Variants in TENT4A observed in about 807,000 individuals in gnomAD.
TENT4A encodes DNA polymerase kappa.
TENT4A carries 7 observed loss-of-function variants against 72.8 expected under a neutral mutation model. That is an observed-to-expected ratio of 0.10 (90% CI 0.05 to 0.18). TENT4A has a LOEUF of 0.18. Among genes scored for constraint, TENT4A ranks in the 10% least tolerant of loss-of-function variants. TENT4A has a pLI of 1.00. For synonymous variants in TENT4A, 456 were observed against 434.3 expected (o/e 1.05, Z -0.62); for missense variants, 831 against 1,017.7 (o/e 0.82, Z 2.50).
At chr5:6,731,227 G>A (rs558140565) in intron 1 of TENT4A, among the ~76,000 whole-genome samples, 31 of 152,340 alleles carry the variant, frequency 2.0e-4, no homozygotes, top group Admixed American at 3.3e-4. Context: ...GGTTTTGAAG[G>A]AAGAGTTGGA....
rs1289792029 is a variant in TENT4A, at chr5:6,714,268, G to A, written c.285G>A (p.Ala95=). The part of the protein sequence containing the change: ...PPALLTALGP[A]AEGARRLHKS... ...CGCTGCTGACGGCGCTGGGGCCCGC[G>A]GCCGAGGGCGCGCGGCGCTTGCACA... is the stretch of plus-strand genomic sequence containing the variant. The change falls in exon 1 of 13, where the codon GCG becomes GCA. Residue 95 remains alanine (A), a synonymous_variant. Transcript: ENST00000230859. The A allele has an allele frequency of 9.4e-7, 1 of 1,058,428 alleles. No homozygotes were observed. The highest frequency in any genetic ancestry group is 1.1e-6 in the Non-Finnish European group (1 of 879,302). 65.6% of individuals were successfully genotyped at this position (1,058,428 alleles called of 1,614,324 possible).
intron 6 of TENT4A, among the ~76,000 whole-genome samples, chr5:6,744,792 A>G (rs531901821): frequency 2.3e-4 from 35 of 152,256 alleles, no homozygotes; most frequent in Middle Eastern, 3.4e-3. Context: ...CCTTTCTTCC[A>G]TAGTTTTTGG....
At chr5:6,715,250 A>G (rs1031602784) in intron 1 of TENT4A, 1 of 152,238 alleles carries the variant, frequency 6.6e-6, no homozygotes, top group Admixed American at 6.5e-5. Context: ...CCTATGGTTT[A>G]TAAACATTGG....
rs118138136 is a variant in TENT4A, at chr5:6,732,011, A to G, written c.717-5499A>G. 2.6e-3 allele frequency among the ~76,000 whole-genome samples: 397 copies of G among 152,236 alleles called. 10 individuals are homozygous for G. In the East Asian group the frequency reaches 0.071, roughly 27 times the overall value. ...ATGACCTTTGCCTTTTTTGCCCTTT[A>G]GTTCCTTTGCCCTTTACCTACTGCA... On this transcript the variant is annotated intron_variant, in intron 1 of 12. Coordinates refer to ENST00000230859, the MANE Select transcript of TENT4A (RefSeq NM_006999.6).
chr5:6,737,615 C>CACCACAGTATGTGGTATGTT lies in TENT4A; in HGVS notation c.822_823insACCACAGTATGTGGTATGTT (p.Leu275ThrfsTer31). 6.2e-7 allele frequency: 1 copy of CACCACAGTATGTGGTATGTT among 1,614,024 alleles called. No individual in the cohort carries two copies. On this transcript the variant is annotated frameshift_variant, in exon 2 of 13. Transcript: ENST00000230859. LOFTEE classifies it high-confidence loss of function. ...AACGGATCGAAACTGTGGTGAAAGA[C>CACCACAGTATGTGGTATGTT]CTTTGGCCGACGGCTGATGTGAGTA...
Position 6,739,829 on chromosome 5 carries a change from A to G in TENT4A, c.985A>G (p.Ile329Val). 1.2e-6 allele frequency: 2 copies of G among 1,614,170 alleles called. No homozygotes were observed. Among genetic ancestry groups the G allele is most frequent in the Non-Finnish European group, 1.7e-6 (2 of 1,179,994 alleles). The change falls in exon 4 of 13, where the codon ATC (isoleucine) becomes GTC (valine). Residue 329 changes from isoleucine (I) to valine (V), a missense_variant. Coordinates refer to ENST00000230859, the MANE Select transcript of TENT4A (RefSeq NM_006999.6). ...RKHNVAEPCSIKVLDKATVPI... is the reference protein window; with the variant it reads ...RKHNVAEPCSVKVLDKATVPI... ...GCACAACGTGGCTGAGCCGTGTTCC[A>G]TCAAAGTCCTTGACAAGGCTACGGT...
intron 1 of TENT4A, among the ~76,000 whole-genome samples, chr5:6,726,723 TG>T (rs1475916149): frequency 6.6e-6 from 1 of 152,162 alleles, no homozygotes; most frequent in Non-Finnish European, 1.5e-5. Context: ...CTCTCTGGCT[TG>T]GAGGGTTGTG....
chr5:6,713,810 GCGGCTAGAGCAGGAGGCCGGGGCT>G lies in TENT4A; in HGVS notation c.-169_-146del, dbSNP rs1210780189. 1 of 148,084 alleles carries G rather than the reference GCGGCTAGAGCAGGAGGCCGGGGCT, an allele frequency of 6.8e-6. No individual in the cohort carries two copies. The highest frequency in any genetic ancestry group is 2.5e-5 in the African/African-American group (1 of 40,274). 9.2% of individuals were successfully genotyped at this position (148,084 alleles called of 1,614,324 possible). A position where few individuals can be genotyped will look rare whatever the true frequency, so the allele number is the denominator to read the frequency against. On this transcript the variant is annotated 5_prime_UTR_variant, in exon 1 of 13. Transcript: ENST00000230859. The stretch of plus-strand genomic sequence containing the variant: ...CCCCACGCCGGAGCCCGACGGGAGC[GCGGCTAGAGCAGGAGGCCGGGGCT>G]CGGCCCGCCCGCCGCCGCCGCCGCC...
intron 7 of TENT4A, 24 bp downstream of exon 7, chr5:6,746,451 G>C: frequency 6.2e-7 from 1 of 1,610,710 alleles, no homozygotes; most frequent in Non-Finnish European, 8.5e-7. Context: ...GATCTCCACT[G>C]CTGAGAGCTG....
intron 1 of TENT4A, among the ~76,000 whole-genome samples, chr5:6,716,709 C>G (rs1177101901): frequency 6.6e-6 from 1 of 152,220 alleles, no homozygotes; most frequent in Non-Finnish European, 1.5e-5. Flanking sequence ...GCCCCTAGGT[C>G]CTGGCTCCTG....
At chr5:6,733,340 T>C (rs1385691969) in intron 1 of TENT4A, among the ~76,000 whole-genome samples, 1 of 152,152 alleles carries the variant, frequency 6.6e-6, no homozygotes, top group Non-Finnish European at 1.5e-5. Context: ...GCCTTTCTCA[T>C]GGGGAGGGGA....
At chr5:6,753,626 C>G (rs868503654) in intron 12 of TENT4A, among the ~76,000 whole-genome samples, 1 of 152,204 alleles carries the variant, frequency 6.6e-6, no homozygotes, top group East Asian at 1.9e-4. Flanking sequence ...AGAGCCATGG[C>G]GAGGATCTTC....
Position 6,713,953 on chromosome 5 carries a change from G to GGCGC in TENT4A, c.-27_-24dup. On this transcript the variant is annotated 5_prime_UTR_variant, in exon 1 of 13. Coordinates refer to ENST00000230859, the MANE Select transcript of TENT4A (RefSeq NM_006999.6). Reference sequence around the variant, plus strand: ...GGGCGGGGCCGCGTCGGGGCGGGCGGGCGCGCGGGCCCCGCGGGGGCGGCG... The same window carrying GGCGC: ...GGGCGGGGCCGCGTCGGGGCGGGCGGGCGCGCGCGCGGGCCCCGCGGGGGCGGCG... 1 of 921,172 alleles carries GGCGC rather than the reference G, an allele frequency of 1.1e-6. No homozygotes were observed. Among genetic ancestry groups the GGCGC allele is most frequent in the Non-Finnish European group, 1.3e-6 (1 of 774,562 alleles). 57.1% of individuals were successfully genotyped at this position (921,172 alleles called of 1,614,324 possible).
chr5:6,717,511 G>T (rs1470250506), intron 1 of TENT4A, among the ~76,000 whole-genome samples: 1 of 152,252 alleles, frequency 6.6e-6, no homozygotes, highest in Non-Finnish European at 1.5e-5. Context: ...GGCCTTGTGA[G>T]ACTGCCAGTC....
At position 6,756,020 on chromosome 5, in the gene TENT4A, C is replaced by G. The variant is rs751289625; in HGVS notation, c.*1075C>G. Reference sequence around the variant, plus strand: ...TGTGGAGAAAGGAATTCTGTTGATTCCGTTGAGGAATCTGTAGCGTATGCA... The same window carrying G: ...TGTGGAGAAAGGAATTCTGTTGATTGCGTTGAGGAATCTGTAGCGTATGCA... On this transcript the variant is annotated 3_prime_UTR_variant, in exon 13 of 13. Transcript: ENST00000230859. The G allele has an allele frequency of 1.3e-5, 2 of 152,302 alleles. No individual in the cohort carries two copies. Among genetic ancestry groups the G allele is most frequent in the African/African-American group, 2.4e-5 (1 of 41,416 alleles). The allele number at this position is 152,302 out of a possible 1,614,324, so 9.4% of individuals were successfully genotyped here.
At position 6,753,009 on chromosome 5, in the gene TENT4A, C is replaced by A; in HGVS notation, c.2156C>A (p.Pro719Gln). ...SPAIPSASPN[P>Q]LSSPHLYHKQ... is the part of the protein sequence containing the mutation. Reference sequence around the variant, plus strand: ...GCCATTCCCTCAGCGTCCCCCAACCCGCTCTCGAGCCCTCATCTGTATCAT... The same window carrying A: ...GCCATTCCCTCAGCGTCCCCCAACCAGCTCTCGAGCCCTCATCTGTATCAT... Residue 719 changes from proline (P) to glutamine (Q), a missense_variant, in exon 12 of 13, where the codon CCG (proline) becomes CAG (glutamine). Physicochemically the swap from Pro to Gln is moderately conservative, Grantham distance 76. This residue lies in a region of TENT4A where 332 missense variants were observed against 324.3 expected (regional missense o/e 1.02). Transcript: ENST00000230859. 6.2e-7 allele frequency: 1 copy of A among 1,614,172 alleles called. No individual in the cohort carries two copies. The highest frequency in any genetic ancestry group is 8.5e-7 in the Non-Finnish European group (1 of 1,180,024).
Position 6,755,058 on chromosome 5 carries a change from G to T in TENT4A, c.*113G>T. ...CGCACGTCAGCCGGGCTCGCGGCACGCCCGCCGCTGATCACTCTGCATGTT... is the reference window on the plus strand; with the variant it reads ...CGCACGTCAGCCGGGCTCGCGGCACTCCCGCCGCTGATCACTCTGCATGTT... On this transcript the variant is annotated 3_prime_UTR_variant, in exon 13 of 13. Coordinates refer to ENST00000230859, the MANE Select transcript of TENT4A (RefSeq NM_006999.6). 1.2e-6 allele frequency: 1 copy of T among 856,976 alleles called. No homozygotes were observed. The highest frequency in any genetic ancestry group is 1.7e-6 in the Non-Finnish European group (1 of 583,920). The allele number at this position is 856,976 out of a possible 1,614,324, so 53.1% of individuals were successfully genotyped here. A position where few individuals can be genotyped will look rare whatever the true frequency, so the allele number is the denominator to read the frequency against.
chr5:6,714,529 G>T lies in TENT4A; in HGVS notation c.546G>T (p.Gln182His). 4 of 1,193,476 alleles carry T rather than the reference G, an allele frequency of 3.4e-6. No homozygotes were observed. The highest frequency in any genetic ancestry group is 4.2e-6 in the Non-Finnish European group (4 of 963,194). The allele number at this position is 1,193,476 out of a possible 1,614,324, so 73.9% of individuals were successfully genotyped here. Residue 182 changes from glutamine to histidine, a missense_variant, in exon 1 of 13, where the codon CAG becomes CAT. Gln to His is a conservative substitution (Grantham distance 24, BLOSUM62 0). Around this residue, in one of 3 missense-constraint regions of TENT4A, gnomAD observed 302 missense variants for 293.8 expected, o/e 1.03. Transcript: ENST00000230859. ...CCGCCGGCTCCCCGTCGCAGCACCA[G>T]TTCCACCCGGGTCGCCGGAAACGCG... is the stretch of plus-strand genomic sequence containing the variant. ...PAPAGSPSQHQFHPGRRKREN... is the reference protein window; with the variant it reads ...PAPAGSPSQHHFHPGRRKREN...
rs541247870 is a variant in TENT4A at position 6,713,842 on chromosome 5, CCCGCCGCCGCCG to C, written c.-127_-116del. 6.3e-3 allele frequency: 997 copies of C among 157,308 alleles called. 9 individuals are homozygous for C. The highest frequency in any genetic ancestry group is 0.023 in the African/African-American group (915 of 39,654). 9.7% of individuals were successfully genotyped at this position (157,308 alleles called of 1,614,324 possible). Reference sequence around the variant, plus strand: ...GAGCAGGAGGCCGGGGCTCGGCCCGCCCGCCGCCGCCGCCGCCGCCGCCGCCACCGGCCCAGG... The same window carrying C: ...GAGCAGGAGGCCGGGGCTCGGCCCGCCCGCCGCCGCCGCCACCGGCCCAGG... On this transcript the variant is annotated 5_prime_UTR_variant, in exon 1 of 13. Coordinates refer to ENST00000230859, the MANE Select transcript of TENT4A (RefSeq NM_006999.6).
Sources: allele counts gnomAD v4.1 joint callset (sites outside exome capture counted in the v4.1 genomes callset), GRCh38; gene constraint gnomAD v4.1.1; regional missense constraint gnomAD v4.1.1; transcripts MANE v1.5; gene names NCBI Gene and HGNC (gene_info 2026-07-23, HGNC 2026-07-21).